Variants in DIS3L observed in about 807,000 individuals in gnomAD.
DIS3L encodes DIS3-like exonuclease 1.
DIS3L carries 100 observed loss-of-function variants against 120.3 expected under a neutral mutation model. That is an observed-to-expected ratio of 0.83 (90% CI 0.71 to 0.98). The LOEUF (loss-of-function observed/expected upper bound fraction) is 0.98, where lower values mean the gene tolerates loss of function less well. Among genes scored for constraint, DIS3L ranks in the 50% least tolerant of loss-of-function variants. The pLI is 0.00. For missense variants in DIS3L, 1,196 were observed against 1,314.2 expected (o/e 0.91, Z 1.39); for synonymous variants, 426 against 470.6 (o/e 0.91, Z 1.23).
At chr15:66,326,589 AT>A (rs989503425) in intron 12 of DIS3L, 275 of 506,502 alleles carry the variant, frequency 5.4e-4, no homozygotes, top group East Asian at 2.2e-3. Context: ...TTTTGTTTCA[AT>A]TTTTTTTTAG....
At chr15:66,295,180 T>C (rs1443354811) in intron 2 of DIS3L, 39 bp downstream of exon 2, 2 of 1,581,340 alleles carry the variant, frequency 1.3e-6, no homozygotes, top group Non-Finnish European at 1.7e-6. Flanking sequence ...ATGGCATAGG[T>C]TCCCCCCACC....
chr15:66,326,265 C>T lies in DIS3L; in HGVS notation c.2102C>T (p.Pro701Leu), dbSNP rs1232205486. The T allele has an allele frequency of 1.2e-6, 2 of 1,614,070 alleles. No homozygotes were observed. Among genetic ancestry groups the T allele is most frequent in the African/African-American group, 1.3e-5 (1 of 74,924 alleles). ...GCCAAAAAGATCTGGGAGAGCTTCC[C>T]TCATCAGGCCTTGCTGCGCCAGCAC... ...WVAKKIWESF[P>L]HQALLRQHPP... Residue 701 changes from proline to leucine, a missense_variant, in exon 12 of 17, where the codon CCT (proline) becomes CTT (leucine). Physicochemically the swap from Pro to Leu is moderately conservative, Grantham distance 98 (BLOSUM62 -3). Coordinates refer to ENST00000319212, the MANE Select transcript of DIS3L (RefSeq NM_001143688.3).
chr15:66,331,879 C>T lies in DIS3L; in HGVS notation c.2540C>T (p.Ala847Val), dbSNP rs1595769529. Residue 847 changes from alanine (A) to valine (V), a missense_variant, in exon 15 of 17, where the codon GCA becomes GTA. Ala to Val is a moderately conservative substitution (Grantham distance 64). Coordinates refer to ENST00000319212, the MANE Select transcript of DIS3L (RefSeq NM_001143688.3). ...TTGGAGTTGTGCTTCTTACAGGCAG[C>T]ACAGCATTCTCAGAAGCAGTCTACT... The part of the protein sequence containing the change: ...CRHINNRNQA[A>V]QHSQKQSTEL... The T allele has an allele frequency of 2.9e-5, 46 of 1,596,344 alleles. No homozygotes were observed. The highest frequency in any genetic ancestry group is 1.7e-4 in the Middle Eastern group (1 of 6,016).
chr15:66,306,101 C>T (rs955541482), intron 2 of DIS3L, among the ~76,000 whole-genome samples: 5 of 152,162 alleles, frequency 3.3e-5, no homozygotes, highest in African/African-American at 1.2e-4. Flanking sequence ...ACCTCAGCCT[C>T]CCAAGTAGCT....
At chr15:66,323,171 T>TAATATAC (rs2092903246) in intron 10 of DIS3L, among the ~76,000 whole-genome samples, 1 of 152,214 alleles carries the variant, frequency 6.6e-6, no homozygotes, top group Non-Finnish European at 1.5e-5. Context: ...TCGAAATGGG[T>TAATATAC]TAAATTTTCA....
intron 4 of DIS3L, among the ~76,000 whole-genome samples, chr15:66,309,103 A>C (rs747245717): frequency 1.9e-5 from 2 of 105,410 alleles, no homozygotes; most frequent in Non-Finnish European, 3.9e-5. Flanking sequence ...AAATATATAT[A>C]TCTCCAAGCA....
chr15:66,332,788 T>G lies in DIS3L; in HGVS notation c.2734T>G (p.Ser912Ala). 1.2e-6 allele frequency: 2 copies of G among 1,613,852 alleles called. No homozygotes were observed. The highest frequency in any genetic ancestry group is 4.5e-5 in the East Asian group (2 of 44,850). ...AAAAAATAAAGATGGTTTAGTCATC[T>G]CATGTGGCCCAGATAGCTGTTCTGA... ...YLKNKDGLVI[S>A]CGPDSCSEWK... is the part of the protein sequence containing the mutation. Residue 912 changes from serine (S) to alanine (A), a missense_variant, in exon 16 of 17, where the codon TCA (serine) becomes GCA (alanine). Transcript: ENST00000319212.
At chr15:66,311,599 C>T (rs769320911) in intron 4 of DIS3L, 125 bp from the exon 5 acceptor site, 1 of 1,087,532 alleles carries the variant, frequency 9.2e-7, no homozygotes, top group Non-Finnish European at 1.4e-6. Flanking sequence ...TCAGGAAGTC[C>T]TGCTCACTGA....
At chr15:66,300,741 G>T (rs1181764608) in intron 2 of DIS3L, among the ~76,000 whole-genome samples, 3 of 152,166 alleles carry the variant, frequency 2.0e-5, no homozygotes, top group Non-Finnish European at 4.4e-5. Flanking sequence ...TGGAGAGAGG[G>T]AACACTAGAG....
chr15:66,320,800 A>C (rs1023602504), intron 9 of DIS3L, 68 bp downstream of exon 9: 1 of 1,550,226 alleles, frequency 6.5e-7, no homozygotes, highest in African/African-American at 1.4e-5. Context: ...TTTCATCATT[A>C]AGAAAGAAAA....
intron 15 of DIS3L, among the ~76,000 whole-genome samples, chr15:66,332,485 A>T (rs1429529929): frequency 5.5e-5 from 6 of 109,786 alleles, no homozygotes; most frequent in Admixed American, 9.5e-5. Context: ...TGAAGACTGG[A>T]GTGTGTGTGT....
intron 2 of DIS3L, among the ~76,000 whole-genome samples, chr15:66,305,559 C>A (rs1011506831): frequency 6.6e-5 from 10 of 152,034 alleles, no homozygotes; most frequent in African/African-American, 2.4e-4. Flanking sequence ...GGGTCTCATT[C>A]TGTTCCTCAG....
intron 7 of DIS3L, 127 bp downstream of exon 7, chr15:66,315,342 T>A: frequency 1.1e-6 from 1 of 919,682 alleles, no homozygotes; most frequent in Non-Finnish European, 1.5e-6. Flanking sequence ...ACAAAAACTG[T>A]ATTTATTGTG....
chr15:66,295,158 C>A lies in DIS3L; in HGVS notation c.293+17C>A. 3.7e-6 allele frequency: 6 copies of A among 1,608,796 alleles called. No homozygotes were observed. Among genetic ancestry groups the A allele is most frequent in the Non-Finnish European group, 5.1e-6 (6 of 1,177,106 alleles). On this transcript the variant is annotated intron_variant, in intron 2 of 16. Transcript: ENST00000319212. ...AGGCAGGAGGTATACGTTTTGCATT[C>A]TTTATTTCTATATGGCATAGGTTCC...
rs142748574 is a variant in DIS3L at position 66,328,704 on chromosome 15, C to T, written c.2202-266C>T. Among the ~76,000 whole-genome samples, 7 of 152,250 alleles carry T rather than the reference C, an allele frequency of 4.6e-5. No individual in the cohort carries two copies. In the East Asian group the frequency reaches 1.3e-3, roughly 29 times the overall value. ...CGAGTATTTGACCACCTATTATAGC[C>T]AAGCACTAACTTAACCTAGTATTAA... On this transcript the variant is annotated intron_variant, in intron 12 of 16. Coordinates refer to ENST00000319212, the MANE Select transcript of DIS3L (RefSeq NM_001143688.3).
At position 66,309,094 on chromosome 15, in the gene DIS3L, A is replaced by AAAAAAAAAAAAATATATATATATATATAT; in HGVS notation, c.558+251_558+252insAAAAAAAAAAATATATATATATATATATA. 2.6e-4 allele frequency among the ~76,000 whole-genome samples: 4 copies of AAAAAAAAAAAAATATATATATATATATAT among 15,314 alleles called. 1 individual carries two copies. Among genetic ancestry groups the AAAAAAAAAAAAATATATATATATATATAT allele is most frequent in the South Asian group, 0.017 (2 of 118 alleles). 10.0% of individuals were successfully genotyped at this position (15,314 alleles called of 152,430 possible). The stretch of plus-strand genomic sequence containing the variant: ...CTTGTCTCTACAGAAAAAAAAAAAA[A>AAAAAAAAAAAAATATATATATATATATAT]ATATATATATCTCCAAGCATGGTGG... On this transcript the variant is annotated intron_variant, in intron 4 of 16. Coordinates refer to ENST00000319212, the MANE Select transcript of DIS3L (RefSeq NM_001143688.3).
intron 2 of DIS3L, among the ~76,000 whole-genome samples, 162 bp downstream of exon 2, chr15:66,295,303 T>C (rs897514202): frequency 2.0e-5 from 3 of 152,212 alleles, no homozygotes; most frequent in African/African-American, 4.8e-5. Context: ...AGTAACATTA[T>C]TTTATATTTC....
chr15:66,327,992 C>T (rs910079005), intron 12 of DIS3L, among the ~76,000 whole-genome samples: 17 of 152,202 alleles, frequency 1.1e-4, no homozygotes, highest in Admixed American at 2.0e-4. Context: ...GCAGAAGTTG[C>T]AGTGAGCCAA....
At chr15:66,327,618 G>A (rs2092952471) in intron 12 of DIS3L, among the ~76,000 whole-genome samples, 1 of 151,764 alleles carries the variant, frequency 6.6e-6, no homozygotes, top group Non-Finnish European at 1.5e-5. Flanking sequence ...TTAGCCAGGT[G>A]CTGTAATCCC....
Sources: gnomAD v4.1 joint callset for allele counts (sites outside exome capture counted in the v4.1 genomes callset) on GRCh38, gnomAD v4.1.1 for gene constraint, MANE v1.5 for transcripts, NCBI Gene and HGNC (gene_info 2026-07-23, HGNC 2026-07-21) for gene names.